Variants in MDN1 observed in about 807,000 individuals in gnomAD.
The protein encoded by MDN1 is midasin AAA ATPase 1.
In MDN1, 266 loss-of-function variants were observed where a neutral mutation model predicts 669.2. The observed-to-expected ratio is 0.40, with a 90% CI of 0.36 to 0.44. MDN1 has a LOEUF of 0.44. Among genes scored for constraint, MDN1 ranks in the 20% least tolerant of loss-of-function variants. MDN1 has a pLI of 1.00. For synonymous variants in MDN1, 2,385 were observed against 2,457.1 expected (o/e 0.97, Z 0.87); for missense variants, 5,940 against 6,754.0 (o/e 0.88, Z 4.22).
chr6:89,679,036 TAATC>T (rs1157220055), intron 74 of MDN1, among the ~76,000 whole-genome samples: 2 of 152,226 alleles, frequency 1.3e-5, no homozygotes, highest in Non-Finnish European at 2.9e-5. Flanking sequence ...AGGGGTTTTA[TAATC>T]AATCAAGCAA....
intron 32 of MDN1, 46 bp from the exon 33 acceptor site, chr6:89,738,501 GAAAGCTGGA>G: frequency 1.2e-6 from 2 of 1,603,296 alleles, no homozygotes; most frequent in Non-Finnish European, 1.7e-6. Flanking sequence ...AAACTGTAAG[GAAAGCTGGA>G]AAACAAGTCT....
At position 89,717,864 on chromosome 6, in the gene MDN1, G is replaced by A. The variant is rs568545201; in HGVS notation, c.6583+502C>T. The stretch of plus-strand genomic sequence containing the variant: ...GCATAGTGACAGACCCAGCCTGTGG[G>A]CCTTTAGGTTGAATCCTCCCTAAGA... On this transcript the variant is annotated intron_variant, in intron 43 of 101. Transcript: ENST00000369393. Among the ~76,000 whole-genome samples the A allele has an allele frequency of 2.6e-5, 4 of 152,244 alleles. No homozygotes were observed. In the East Asian group the frequency reaches 7.7e-4, roughly 29 times the overall value.
intron 9 of MDN1, 90 bp from the exon 10 acceptor site, chr6:89,781,682 A>G: frequency 2.6e-6 from 3 of 1,160,958 alleles, no homozygotes; most frequent in Non-Finnish European, 3.6e-6. Flanking sequence ...GTCAGCCAAA[A>G]ATTGTATTTC....
At chr6:89,654,814 T>C (rs1809135483) in intron 92 of MDN1, among the ~76,000 whole-genome samples, 2 of 152,210 alleles carry the variant, frequency 1.3e-5, no homozygotes, top group South Asian at 4.1e-4. Flanking sequence ...AAACATTGTA[T>C]ACATGTATCA....
intron 1 of MDN1, among the ~76,000 whole-genome samples, chr6:89,806,745 C>A (rs1293256170): frequency 1.3e-5 from 2 of 151,524 alleles, no homozygotes; most frequent in East Asian, 3.9e-4. Context: ...TTAAAAAAAG[C>A]TTAATTAAAA....
In MDN1 at chr6:89,738,468, C is replaced by G. The variant is rs1432761892; in HGVS notation, c.4594-13G>C. On this transcript the variant is annotated splice_polypyrimidine_tract_variant and intron_variant, in intron 32 of 101. Transcript: ENST00000369393. ...AGGCAGGAGACAGCTATAAGAAACA[C>G]AAAACTTCAATGTGAATTTTTAAAA... is the stretch of plus-strand genomic sequence containing the variant. 1.9e-6 allele frequency: 3 copies of G among 1,611,752 alleles called. No individual in the cohort carries two copies. The highest frequency in any genetic ancestry group is 1.7e-6 in the Non-Finnish European group (2 of 1,179,240).
In MDN1 at chr6:89,778,969, A is replaced by C. The variant is rs180860419; in HGVS notation, c.1725+1243T>G. ...ATAGGGCCTGTGTCAGTATGTACTA[A>C]AATAAGCCAAAGAAAAAAAAAATTT... is the stretch of plus-strand genomic sequence containing the variant. On this transcript the variant is annotated intron_variant, in intron 11 of 101. Transcript: ENST00000369393. 6.0e-3 allele frequency among the ~76,000 whole-genome samples: 895 copies of C among 149,170 alleles called. 10 individuals are homozygous for C. The highest frequency in any genetic ancestry group is 0.02 in the African/African-American group (807 of 41,218).
Position 89,696,387 on chromosome 6 carries a change from A to G in MDN1, c.9356T>C (p.Met3119Thr). The G allele has an allele frequency of 6.2e-7, 1 of 1,614,174 alleles. No individual in the cohort carries two copies. Among genetic ancestry groups the G allele is most frequent in the Non-Finnish European group, 8.5e-7 (1 of 1,180,026 alleles). ...QDISSMLWTNMAISSVAEFRR... is the reference protein window; with the variant it reads ...QDISSMLWTNTAISSVAEFRR... The stretch of plus-strand genomic sequence containing the variant: ...GAATTCTGCTACTGAAGAGATAGCC[A>G]TGTTAGTCCAAAGCATCGAACTGAT... Residue 3119 changes from methionine to threonine, a missense_variant, in exon 60 of 102, where the codon ATG becomes ACG. Physicochemically the swap from Met to Thr is moderately conservative, Grantham distance 81 (BLOSUM62 -1). Around this residue, in one of 5 missense-constraint regions of MDN1, gnomAD observed 2,292 missense variants for 2,638.3 expected, o/e 0.87. Coordinates refer to ENST00000369393, the MANE Select transcript of MDN1 (RefSeq NM_014611.3).
chr6:89,681,278 AT>A (rs1243470336), intron 73 of MDN1, among the ~76,000 whole-genome samples: 1 of 151,982 alleles, frequency 6.6e-6, no homozygotes, highest in Admixed American at 6.5e-5. Context: ...GATTCAAGTG[AT>A]TCTTGTGCCT....
At chr6:89,787,031 A>G (rs1056018251) in intron 8 of MDN1, among the ~76,000 whole-genome samples, 1 of 151,814 alleles carries the variant, frequency 6.6e-6, no homozygotes, top group African/African-American at 2.4e-5. Context: ...GCTTGAGTAC[A>G]GAAGTTCAAG....
intron 32 of MDN1, 21 bp downstream of exon 32, chr6:89,740,213 T>C (rs764816389): frequency 1.9e-6 from 3 of 1,609,206 alleles, no homozygotes; most frequent in African/African-American, 2.7e-5. Flanking sequence ...AGAAAGAAAA[T>C]GTGCATCAGT....
chr6:89,644,338 G>T, intron 101 of MDN1, 145 bp from the exon 102 acceptor site: 1 of 640,502 alleles, frequency 1.6e-6, no homozygotes, highest in Non-Finnish European at 2.5e-6. Context: ...CTAAGTAAAA[G>T]AGAATTTTCA....
chr6:89,783,399 C>T (rs369245993), intron 9 of MDN1, among the ~76,000 whole-genome samples: 43 of 152,172 alleles, frequency 2.8e-4, no homozygotes, highest in African/African-American at 8.4e-4. Flanking sequence ...GAAAAAACTC[C>T]GCCCTGGTAA....
At chr6:89,780,460 T>C (rs1002708828) in intron 10 of MDN1, among the ~76,000 whole-genome samples, 167 bp from the exon 11 acceptor site, 2 of 152,186 alleles carry the variant, frequency 1.3e-5, no homozygotes, top group Non-Finnish European at 2.9e-5. Context: ...GTAAGGGTTC[T>C]CAATCCTTCC....
chr6:89,670,139 CATATATATATATATAT>C (rs1168606501), intron 83 of MDN1, among the ~76,000 whole-genome samples: 4 of 48,988 alleles, frequency 8.2e-5, no homozygotes, highest in African/African-American at 1.3e-4. Context: ...TCCAAAAAAA[CATATATATATATATAT>C]ATATATATAT....
rs1407318494 is a variant in MDN1, at chr6:89,708,641, C to T, written c.7766-13G>A. The stretch of plus-strand genomic sequence containing the variant: ...ATCACAAATTCATCTAGTTTAAAAA[C>T]AGAACAAAACAAAAATCAGAAATAT... On this transcript the variant is annotated splice_polypyrimidine_tract_variant and intron_variant, in intron 50 of 101. Coordinates refer to ENST00000369393, the MANE Select transcript of MDN1 (RefSeq NM_014611.3). 6.2e-7 allele frequency: 1 copy of T among 1,604,842 alleles called. No individual in the cohort carries two copies. The highest frequency in any genetic ancestry group is 1.3e-5 in the African/African-American group (1 of 74,578).
intron 9 of MDN1, among the ~76,000 whole-genome samples, chr6:89,783,466 G>C (rs564127507): frequency 2.6e-5 from 4 of 152,128 alleles, no homozygotes; most frequent in Admixed American, 6.6e-5. Flanking sequence ...TACGTGCACC[G>C]CTGAACATAG....
At chr6:89,731,173 T>C (rs139137530) in intron 34 of MDN1, among the ~76,000 whole-genome samples, 2 of 152,348 alleles carry the variant, frequency 1.3e-5, no homozygotes, top group African/African-American at 4.8e-5. Context: ...TCAGCCTACA[T>C]ACAGTACCTA....
At position 89,680,585 on chromosome 6, in the gene MDN1, C is replaced by G. The variant is rs2084477955; in HGVS notation, c.12265+4G>C. 1 of 1,611,082 alleles carries G rather than the reference C, an allele frequency of 6.2e-7. No homozygotes were observed. Among genetic ancestry groups the G allele is most frequent in the Non-Finnish European group, 8.5e-7 (1 of 1,178,838 alleles). ...CCACCCTTGACTTGGATGCTGGCAC[C>G]CACCTGTGAACTGATCAAGGCCCTC... On this transcript the variant is annotated splice_donor_region_variant and intron_variant, in intron 74 of 101. Transcript: ENST00000369393.
Sources: gnomAD v4.1 joint callset for allele counts (sites outside exome capture counted in the v4.1 genomes callset) on GRCh38, gnomAD v4.1.1 for gene constraint, gnomAD v4.1.1 regional missense constraint, MANE v1.5 for transcripts, NCBI Gene and HGNC (gene_info 2026-07-23, HGNC 2026-07-21) for gene names.